The following STARD13 variants were observed in gnomAD, a reference collection of about 807,000 sequenced individuals.
STARD13 encodes stAR-related lipid transfer protein 13.
Under a neutral mutation model 106.4 loss-of-function variants are expected in STARD13, and 62 were observed. The observed-to-expected ratio is 0.58, with a 90% CI of 0.48 to 0.72. The LOEUF is 0.72. STARD13 is among the 30% of genes least tolerant of loss of function. The pLI is 0.00. For synonymous variants in STARD13, 565 were observed against 553.0 expected, an observed-to-expected ratio of 1.02 and a Z score of -0.31; for missense variants, 1,387 against 1,424.0, an observed-to-expected ratio of 0.97 and a Z score of 0.42.
At chr13:33,462,500 C>A in the STARD13 span, among the ~76,000 whole-genome samples, 2 of 152,276 alleles carry the variant, frequency 1.3e-5, no homozygotes, top group South Asian at 4.2e-4. Context: ...GGTCAAGCCC[C>A]ATGATAGGCC....
rs188578579 is a variant in STARD13 at position 33,349,818 on chromosome 13, G to A, written c.124+472C>T. On this transcript the variant is annotated intron_variant, in intron 1 of 1. Transcript: ENST00000439831. ...CCGAGTGGCTGGTCTGCGGCGCTTC[G>A]GACGTGCTCCTTGCCTTGCATTCAC... 8.1e-4 allele frequency among the ~76,000 whole-genome samples: 124 copies of A among 152,288 alleles called. 4 individuals carry two copies. The South Asian group carries it at 9.6e-3, about 12-fold the overall frequency.
the STARD13 span, among the ~76,000 whole-genome samples, chr13:33,491,975 C>G: frequency 1.3e-5 from 2 of 151,856 alleles, no homozygotes; most frequent in Non-Finnish European, 2.9e-5. Flanking sequence ...GGAAGGGAGA[C>G]AGGGGTGGGG....
chr13:33,601,214 GT>G, the STARD13 span, among the ~76,000 whole-genome samples: 153 of 141,830 alleles, frequency 1.1e-3, 1 homozygote, highest in South Asian at 7.0e-3. Context: ...AAATGTTTTT[GT>G]TTTTTTTTTT....
intron 1 of STARD13, among the ~76,000 whole-genome samples, chr13:33,301,249 G>T (rs1180578944): frequency 2.0e-5 from 3 of 152,296 alleles, no homozygotes; most frequent in East Asian, 3.9e-4. Flanking sequence ...AGGAAGGATG[G>T]TATTTTCACT....
At chr13:33,482,519 C>T in the STARD13 span, among the ~76,000 whole-genome samples, 1 of 152,038 alleles carries the variant, frequency 6.6e-6, no homozygotes, top group Non-Finnish European at 1.5e-5. Context: ...GATTTTTAAT[C>T]TTTAAAATTT....
intron 8 of STARD13, 95 bp from the exon 9 acceptor site, chr13:33,113,026 C>A (rs981257080): frequency 2.2e-6 from 2 of 900,552 alleles, no homozygotes; most frequent in Non-Finnish European, 3.4e-6. Flanking sequence ...CGTGTGAACA[C>A]GCACCCAGAG....
At chr13:33,377,510 G>T in the STARD13 span, among the ~76,000 whole-genome samples, 4 of 152,164 alleles carry the variant, frequency 2.6e-5, no homozygotes, top group Admixed American at 2.0e-4. Context: ...ATTGATCTTT[G>T]CATGATGACA....
chr13:33,259,323 G>A (rs1410557560), intron 1 of STARD13, among the ~76,000 whole-genome samples: 2 of 152,158 alleles, frequency 1.3e-5, no homozygotes, highest in Non-Finnish European at 2.9e-5. Context: ...CTGAGATTTT[G>A]GTAGAAATTA....
At chr13:33,339,058 A>G (rs1401977157) in intron 1 of STARD13, among the ~76,000 whole-genome samples, 1 of 152,134 alleles carries the variant, frequency 6.6e-6, no homozygotes, top group African/African-American at 2.4e-5. Flanking sequence ...AATCCCTTAC[A>G]TAGGGTTTAT....
At chr13:33,482,167 G>A in the STARD13 span, among the ~76,000 whole-genome samples, 1 of 152,088 alleles carries the variant, frequency 6.6e-6, no homozygotes, top group Admixed American at 6.5e-5. Context: ...ACTGGAATTT[G>A]CTTCAAAATA....
At chr13:33,434,925 G>GGAA in the STARD13 span, among the ~76,000 whole-genome samples, 1 of 150,792 alleles carries the variant, frequency 6.6e-6, no homozygotes, top group Non-Finnish European at 1.5e-5. Context: ...AAGGAAGGAA[G>GGAA]GAAGGAAGGA....
the STARD13 span, among the ~76,000 whole-genome samples, chr13:33,655,348 G>T: frequency 6.6e-6 from 1 of 152,206 alleles, no homozygotes; most frequent in Non-Finnish European, 1.5e-5. Context: ...GGCAAGAATT[G>T]ATGGTATTTT....
chr13:33,561,083 C>G, the STARD13 span, among the ~76,000 whole-genome samples: 1 of 151,424 alleles, frequency 6.6e-6, no homozygotes, highest in Admixed American at 6.6e-5. Flanking sequence ...ACTTCTTTAA[C>G]CTTTTCATTT....
chr13:33,179,780 A>C (rs1885050286), intron 1 of STARD13, among the ~76,000 whole-genome samples: 1 of 152,222 alleles, frequency 6.6e-6, no homozygotes, highest in Non-Finnish European at 1.5e-5. Context: ...GTCTCAGAGC[A>C]GGAGGGGGCA....
chr13:33,414,011 G>GGC, the STARD13 span, among the ~76,000 whole-genome samples: 1 of 141,988 alleles, frequency 7.0e-6, no homozygotes. Context: ...CCAGCCTCAG[G>GGC]GACAGAGTGA....
chr13:33,535,441 G>T, the STARD13 span, among the ~76,000 whole-genome samples: 1 of 152,108 alleles, frequency 6.6e-6, no homozygotes, highest in African/African-American at 2.4e-5. Context: ...AATATATTTT[G>T]TATTTTAAGT....
the STARD13 span, among the ~76,000 whole-genome samples, chr13:33,561,433 AAT>A: frequency 9.2e-5 from 14 of 151,572 alleles, no homozygotes; most frequent in Non-Finnish European, 1.9e-4. Context: ...CACTTTTAGA[AAT>A]AGTCTATCTT....
chr13:33,336,240 T>C (rs1319224951), intron 1 of STARD13: 1 of 152,264 alleles, frequency 6.6e-6, no homozygotes, highest in South Asian at 2.1e-4. Flanking sequence ...AATTTATTTA[T>C]ACAAATTCAG....
chr13:33,525,320 C>A, the STARD13 span, among the ~76,000 whole-genome samples: 1 of 151,958 alleles, frequency 6.6e-6, no homozygotes, highest in Non-Finnish European at 1.5e-5. Context: ...ACCCTGCCTG[C>A]CTCCAAATGT....
Sources: allele counts gnomAD v4.1 joint callset (sites outside exome capture counted in the v4.1 genomes callset), GRCh38; gene constraint gnomAD v4.1.1; transcripts MANE v1.5; gene names NCBI Gene and HGNC (gene_info 2026-07-23, HGNC 2026-07-21).